The following HTR1F variants were observed in gnomAD, a reference collection of about 807,000 sequenced individuals.
HTR1F encodes 5-hydroxytryptamine receptor 1F, also known as 5-hydroxytryptamine (serotonin) receptor 1F, G protein-coupled.
In HTR1F, 17 loss-of-function variants were observed where a neutral mutation model predicts 24.0. The ratio of observed to expected loss-of-function variants is 0.71; its 90% CI spans 0.48 to 1.06. The LOEUF is 1.06. Ranked by LOEUF, HTR1F falls within the 50% of genes least tolerant of loss-of-function variation. The pLI, the probability that HTR1F is intolerant of heterozygous loss-of-function variation, is 0.00. For synonymous variants in HTR1F, 186 were observed against 156.8 expected (o/e 1.19, Z -1.39); for missense variants, 391 against 427.8 (o/e 0.91, Z 0.76).
intron 2 of HTR1F, among the ~76,000 whole-genome samples, chr3:87,912,927 CA>C (rs1489696286): frequency 2.0e-5 from 3 of 152,076 alleles, no homozygotes; most frequent in Non-Finnish European, 4.4e-5. Context: ...ATGCCACATA[CA>C]AAAATCAACT....
chr3:87,851,752 A>T (rs926257285), intron 2 of HTR1F, among the ~76,000 whole-genome samples: 5 of 151,654 alleles, frequency 3.3e-5, no homozygotes, highest in Non-Finnish European at 4.4e-5. Context: ...TTACAGGATT[A>T]GCATTACCAG....
intron 2 of HTR1F, among the ~76,000 whole-genome samples, chr3:87,937,491 A>T (rs554245853): frequency 6.6e-6 from 1 of 152,302 alleles, no homozygotes; most frequent in South Asian, 2.1e-4. Flanking sequence ...CATCTATGAC[A>T]AACCCACAGC....
Position 87,993,609 on chromosome 3 carries a change from A to T in HTR1F, c.*1759A>T, listed in dbSNP as rs192722973. 1.3e-3 allele frequency: 215 copies of T among 167,206 alleles called. No individual in the cohort carries two copies. The highest frequency in any genetic ancestry group is 2.1e-3 in the Non-Finnish European group (142 of 68,118). 10.4% of individuals were successfully genotyped at this position (167,206 alleles called of 1,614,324 possible). On this transcript the variant is annotated 3_prime_UTR_variant, in exon 3 of 3. Transcript: ENST00000319595. Reference sequence around the variant, plus strand: ...CCAGGTTGTGACAACATCAGGATACAAACTGCACCATGCAAGTATTTGGTG... The same window carrying T: ...CCAGGTTGTGACAACATCAGGATACTAACTGCACCATGCAAGTATTTGGTG...
intron 2 of HTR1F, among the ~76,000 whole-genome samples, chr3:87,957,314 C>G (rs1022631604): frequency 6.6e-6 from 1 of 151,246 alleles, no homozygotes; most frequent in African/African-American, 2.4e-5. Flanking sequence ...CTCACTTGGT[C>G]AGGATATGTT....
At chr3:87,943,842 T>A (rs539571568) in intron 2 of HTR1F, among the ~76,000 whole-genome samples, 1 of 152,168 alleles carries the variant, frequency 6.6e-6, no homozygotes, top group Non-Finnish European at 1.5e-5. Context: ...ATATAAATCA[T>A]TTCTTTCTTA....
At chr3:87,839,022 T>A (rs1003186538) in intron 2 of HTR1F, among the ~76,000 whole-genome samples, 2 of 148,784 alleles carry the variant, frequency 1.3e-5, no homozygotes, top group East Asian at 2.0e-4. Context: ...ATTTTTATTT[T>A]TATTTTTTTT....
intron 2 of HTR1F, among the ~76,000 whole-genome samples, chr3:87,861,799 T>A (rs1705324101): frequency 1.3e-5 from 2 of 152,178 alleles, no homozygotes; most frequent in Non-Finnish European, 2.9e-5. Flanking sequence ...TTTTATTATT[T>A]TTTAGGTATA....
chr3:87,929,757 T>C (rs564929787), intron 2 of HTR1F, among the ~76,000 whole-genome samples: 149 of 152,308 alleles, frequency 9.8e-4, no homozygotes, highest in African/African-American at 3.5e-3. Context: ...TTGCTCTTTT[T>C]GCTTAGGATT....
chr3:87,835,587 C>G (rs2107164278), intron 2 of HTR1F, among the ~76,000 whole-genome samples: 1 of 152,268 alleles, frequency 6.6e-6, no homozygotes, highest in East Asian at 1.9e-4. Context: ...GCATATAAAG[C>G]AGTTAGCAAT....
At chr3:87,832,494 A>AT (rs749093413) in intron 2 of HTR1F, among the ~76,000 whole-genome samples, 14 of 152,056 alleles carry the variant, frequency 9.2e-5, no homozygotes, top group Middle Eastern at 3.4e-3. Context: ...CACCCGGCTA[A>AT]TTTTTTGTAT....
At chr3:87,922,475 T>C (rs1289056849) in intron 2 of HTR1F, among the ~76,000 whole-genome samples, 1 of 152,026 alleles carries the variant, frequency 6.6e-6, no homozygotes, top group South Asian at 2.1e-4. Context: ...TCCTCTTCAC[T>C]CCGGTGATTG....
At chr3:87,980,449 TC>T (rs1301598578) in intron 2 of HTR1F, among the ~76,000 whole-genome samples, 1 of 152,136 alleles carries the variant, frequency 6.6e-6, no homozygotes, top group African/African-American at 2.4e-5. Flanking sequence ...TTTATGGGCT[TC>T]AGAAGGGAGG....
chr3:87,885,255 G>A (rs1434292170), intron 2 of HTR1F, among the ~76,000 whole-genome samples: 5 of 152,246 alleles, frequency 3.3e-5, no homozygotes, highest in South Asian at 2.1e-4. Context: ...GGTAGATAAC[G>A]AAATGAAGGC....
chr3:87,833,805 C>A (rs1322575123), intron 2 of HTR1F, among the ~76,000 whole-genome samples: 1 of 152,152 alleles, frequency 6.6e-6, no homozygotes, highest in African/African-American at 2.4e-5. Context: ...ACGTGCCCGG[C>A]CTATAAAGCC....
intron 2 of HTR1F, among the ~76,000 whole-genome samples, chr3:87,925,373 A>T (rs1220514873): frequency 6.6e-6 from 1 of 152,044 alleles, no homozygotes; most frequent in Non-Finnish European, 1.5e-5. Context: ...ATGTCTTCTC[A>T]GTTACTTGGG....
intron 2 of HTR1F, among the ~76,000 whole-genome samples, chr3:87,982,678 G>A (rs1705572110): frequency 6.6e-6 from 1 of 152,160 alleles, no homozygotes; most frequent in South Asian, 2.1e-4. Flanking sequence ...AAGCAGAAGT[G>A]GGCCCTAGTG....
intron 2 of HTR1F, among the ~76,000 whole-genome samples, chr3:87,874,705 A>G (rs780999363): frequency 2.2e-4 from 34 of 152,272 alleles, no homozygotes; most frequent in Middle Eastern, 6.8e-3. Flanking sequence ...CTTAAGAAAG[A>G]AAAACAAAGC....
chr3:87,838,547 A>T (rs1249531412), intron 2 of HTR1F, among the ~76,000 whole-genome samples: 7 of 152,042 alleles, frequency 4.6e-5, no homozygotes, highest in Admixed American at 1.3e-4. Flanking sequence ...CTTGAGATCC[A>T]TCCAAGTTAT....
intron 2 of HTR1F, among the ~76,000 whole-genome samples, chr3:87,898,350 T>A (rs774333940): frequency 3.3e-5 from 5 of 152,178 alleles, no homozygotes; most frequent in African/African-American, 1.2e-4. Flanking sequence ...CCCAGAATTA[T>A]GAAATCTCTT....
Sources: allele counts gnomAD v4.1 joint callset (sites outside exome capture counted in the v4.1 genomes callset), GRCh38; gene constraint gnomAD v4.1.1; transcripts MANE v1.5; gene names NCBI Gene and HGNC (gene_info 2026-07-23, HGNC 2026-07-21).